Variants in TRIP12 observed in about 807,000 individuals in gnomAD.
The protein encoded by TRIP12 is E3 ubiquitin-protein ligase TRIP12.
Under a neutral mutation model 244.2 loss-of-function variants are expected in TRIP12, and 25 were observed. The observed-to-expected ratio is 0.10, with a 90% confidence interval of 0.07 to 0.14. The LOEUF (loss-of-function observed/expected upper bound fraction) is 0.14. Among genes scored for constraint, TRIP12 ranks in the 10% least tolerant of loss-of-function variants. TRIP12 has a pLI of 1.00. For synonymous variants in TRIP12, 905 were observed against 873.1 expected (o/e 1.04, Z -0.64); for missense variants, 1,677 against 2,486.4 (o/e 0.67, Z 6.92).
intron 6 of TRIP12, chr2:229,831,128 G>C (rs1348355527): frequency 1.1e-5 from 8 of 715,724 alleles, no homozygotes; most frequent in Non-Finnish European, 2.1e-5. Flanking sequence ...CTTTAATTAA[G>C]ATGTCCTGAA....
intron 1 of TRIP12, among the ~76,000 whole-genome samples, chr2:229,888,383 C>T (rs1283509522): frequency 6.6e-6 from 1 of 151,874 alleles, no homozygotes; most frequent in Non-Finnish European, 1.5e-5. Flanking sequence ...CTATGAAAAA[C>T]AGACAGCATA....
intron 8 of TRIP12, among the ~76,000 whole-genome samples, chr2:229,824,459 A>C (rs1020336949): frequency 6.6e-6 from 1 of 152,178 alleles, no homozygotes; most frequent in African/African-American, 2.4e-5. Flanking sequence ...AATCTATCCA[A>C]AAGATAATGC....
intron 1 of TRIP12, among the ~76,000 whole-genome samples, chr2:229,914,525 C>T (rs898344388): frequency 2.0e-5 from 3 of 152,222 alleles, no homozygotes; most frequent in African/African-American, 7.2e-5. Context: ...GCTTAAATTA[C>T]AACTGAAGAG....
At chr2:229,908,714 CAGAG>C (rs2073555915) in intron 1 of TRIP12, among the ~76,000 whole-genome samples, 1 of 149,878 alleles carries the variant, frequency 6.7e-6, no homozygotes, top group Non-Finnish European at 1.5e-5. Flanking sequence ...GCCTGGGTGA[CAGAG>C]GGAGACTCCG....
chr2:229,767,908 T>C (rs2032369579), intron 41 of TRIP12, among the ~76,000 whole-genome samples, 158 bp from the exon 42 acceptor site: 1 of 152,190 alleles, frequency 6.6e-6, no homozygotes, highest in Non-Finnish European at 1.5e-5. Context: ...AGGAACCTGC[T>C]TTAATTTATC....
intron 18 of TRIP12, among the ~76,000 whole-genome samples, chr2:229,805,225 C>CAACAACAACAACAACAACAAA (rs1553624672): frequency 4.0e-5 from 6 of 149,922 alleles, no homozygotes; most frequent in Non-Finnish European, 5.9e-5. Context: ...CTTTTCAAAA[C>CAACAACAACAACAACAACAAA]AACAACAACA....
In TRIP12 at chr2:229,840,876, G is replaced by A; in HGVS notation, c.1079C>T (p.Pro360Leu). Reference protein sequence around the residue: ...KRSESPPAELPSLRRSTRQKT... With the variant: ...KRSESPPAELLSLRRSTRQKT... ...TTGGCGTGTGCTCCGCCTCAAACTG[G>A]GGAGCTCAGCAGGTGGAGACTCACT... is the stretch of plus-strand genomic sequence containing the variant. Residue 360 changes from proline (P) to leucine (L), a missense_variant, in exon 5 of 42, where the codon CCC (proline) becomes CTC (leucine). This residue lies in a region of TRIP12 where 143 missense variants were observed against 215.6 expected (regional missense o/e 0.66). Coordinates refer to ENST00000675903, the MANE Select transcript of TRIP12 (RefSeq NM_001348323.3). 6.2e-7 allele frequency: 1 copy of A among 1,610,662 alleles called. No individual in the cohort carries two copies. The highest frequency in any genetic ancestry group is 8.5e-7 in the Non-Finnish European group (1 of 1,179,146).
At chr2:229,787,842 G>A (rs967637713) in intron 32 of TRIP12, among the ~76,000 whole-genome samples, 181 bp from the exon 33 acceptor site, 6 of 151,926 alleles carry the variant, frequency 3.9e-5, no homozygotes, top group Admixed American at 1.3e-4. Context: ...TGCTCCTGTC[G>A]CCCAGGCTGG....
chr2:229,859,206 C>A lies in TRIP12; in HGVS notation c.593G>T (p.Cys198Phe), dbSNP rs755967119. 1.2e-6 allele frequency: 2 copies of A among 1,614,190 alleles called. No individual in the cohort carries two copies. Among genetic ancestry groups the A allele is most frequent in the Non-Finnish European group, 1.7e-6 (2 of 1,180,036 alleles). The part of the protein sequence containing the change: ...SQKRKRTESS[C>F]VKSGSGSEST... ...TTCAGACCCGGAGCCACTCTTTACACAAGAACTCTCTGTCCTTTTTCTTTT... is the reference window on the plus strand; with the variant it reads ...TTCAGACCCGGAGCCACTCTTTACAAAAGAACTCTCTGTCCTTTTTCTTTT... The change falls in exon 4 of 42, where the codon TGT becomes TTT. Residue 198 changes from cysteine (C) to phenylalanine (F), a missense_variant. Physicochemically the swap from Cys to Phe is radical, Grantham distance 205. Coordinates refer to ENST00000675903, the MANE Select transcript of TRIP12 (RefSeq NM_001348323.3).
At chr2:229,806,685 C>T (rs2045968595) in intron 17 of TRIP12, among the ~76,000 whole-genome samples, 2 of 152,162 alleles carry the variant, frequency 1.3e-5, no homozygotes, top group African/African-American at 4.8e-5. Flanking sequence ...TAATGCTGCA[C>T]AGAAGACCAG....
chr2:229,828,760 C>T (rs1242774365), intron 8 of TRIP12, among the ~76,000 whole-genome samples: 2 of 151,734 alleles, frequency 1.3e-5, no homozygotes, highest in Admixed American at 1.3e-4. Flanking sequence ...GAGCAAGACT[C>T]CATCTCAAAA....
chr2:229,920,371 AG>A (rs1217702354), intron 1 of TRIP12, among the ~76,000 whole-genome samples: 5 of 152,200 alleles, frequency 3.3e-5, no homozygotes, highest in Admixed American at 3.3e-4. Flanking sequence ...CTGGCAGCCC[AG>A]GCAAGATCGA....
intron 9 of TRIP12, 98 bp downstream of exon 9, chr2:229,818,258 ATCATGTTT>A: frequency 8.0e-7 from 1 of 1,246,092 alleles, no homozygotes; most frequent in Non-Finnish European, 1.1e-6. Flanking sequence ...TCTTAACTCT[ATCATGTTT>A]TAAAAATTAA....
intron 8 of TRIP12, among the ~76,000 whole-genome samples, chr2:229,825,758 A>G (rs1374835338): frequency 6.6e-6 from 1 of 152,218 alleles, no homozygotes; most frequent in Non-Finnish European, 1.5e-5. Context: ...GTACATAGCC[A>G]AATCATAGCA....
At chr2:229,863,101 C>A (rs2060726131) in intron 2 of TRIP12, among the ~76,000 whole-genome samples, 1 of 151,676 alleles carries the variant, frequency 6.6e-6, no homozygotes, top group Non-Finnish European at 1.5e-5. Flanking sequence ...TGGTGGCGCA[C>A]ACCTGTAGTC....
intron 4 of TRIP12, among the ~76,000 whole-genome samples, chr2:229,852,223 T>TC (rs1367191811): frequency 6.6e-6 from 1 of 152,216 alleles, no homozygotes; most frequent in Non-Finnish European, 1.5e-5. Context: ...GAGAGTAAAG[T>TC]AGATCTTCAA....
Position 229,805,416 on chromosome 2 carries a change from T to C in TRIP12, c.2650+314A>G, listed in dbSNP as rs142830369. 3.2e-3 allele frequency among the ~76,000 whole-genome samples: 488 copies of C among 152,146 alleles called. 4 individuals are homozygous for C. Among genetic ancestry groups the C allele is most frequent in the African/African-American group, 0.01 (418 of 41,488 alleles). ...ATAATTTTGGCAGGAAGGTATAAAA[T>C]ACAAGGTTGGAAAGAACTAGTCAAT... On this transcript the variant is annotated intron_variant, in intron 18 of 41. Transcript: ENST00000675903.
At chr2:229,842,743 T>C (rs891259952) in intron 4 of TRIP12, among the ~76,000 whole-genome samples, 86 of 152,330 alleles carry the variant, frequency 5.6e-4, no homozygotes, top group African/African-American at 1.9e-3. Flanking sequence ...TTTAGTGACA[T>C]TAAAAATAAA....
At position 229,779,505 on chromosome 2, in the gene TRIP12, A is replaced by T. The variant is rs548809645; in HGVS notation, c.5095-515T>A. Among the ~76,000 whole-genome samples the T allele has an allele frequency of 2.0e-5, 3 of 152,356 alleles. No individual in the cohort carries two copies. The South Asian group carries it at 6.2e-4, about 32-fold the overall frequency. On this transcript the variant is annotated intron_variant, in intron 34 of 41. Transcript: ENST00000675903. ...ATATGCTTGCATATTTCACAGGATGATAACTATTTTGGTCATCCTGTTATC... is the reference window on the plus strand; with the variant it reads ...ATATGCTTGCATATTTCACAGGATGTTAACTATTTTGGTCATCCTGTTATC...
Sources: gnomAD v4.1 joint callset for allele counts (sites outside exome capture counted in the v4.1 genomes callset) on GRCh38, gnomAD v4.1.1 for gene constraint, gnomAD v4.1.1 regional missense constraint, MANE v1.5 for transcripts, NCBI Gene and HGNC (gene_info 2026-07-23, HGNC 2026-07-21) for gene names.